NKAIN3: variants seen among roughly 807,000 people sequenced by gnomAD.
NKAIN3 encodes the protein sodium/potassium-transporting ATPase subunit beta-1-interacting protein 3.
In NKAIN3, 25 loss-of-function variants were observed where a neutral mutation model predicts 30.2. That is an observed-to-expected ratio of 0.83 (90% CI 0.60 to 1.16). The LOEUF (loss-of-function observed/expected upper bound fraction) is 1.16, where lower values mean the gene tolerates loss of function less well. NKAIN3 is among the 50% of genes most tolerant of loss of function. The pLI is 0.00. For missense variants in NKAIN3, 225 were observed against 254.1 expected, an observed-to-expected ratio of 0.89 and a Z score of 0.78; for synonymous variants, 91 against 89.6, an observed-to-expected ratio of 1.02 and a Z score of -0.09.
At chr8:62,585,083 G>A (rs1434521492) in intron 2 of NKAIN3, among the ~76,000 whole-genome samples, 1 of 152,212 alleles carries the variant, frequency 6.6e-6, no homozygotes, top group South Asian at 2.1e-4. Flanking sequence ...CTCAGAACAT[G>A]ACAGCAATGT....
At chr8:62,523,582 A>G (rs1808217962) in intron 1 of NKAIN3, among the ~76,000 whole-genome samples, 1 of 152,172 alleles carries the variant, frequency 6.6e-6, no homozygotes, top group Admixed American at 6.6e-5. Flanking sequence ...GTTGTATACC[A>G]GAAATCAACA....
At chr8:62,654,488 G>C (rs1294803589) in intron 3 of NKAIN3, among the ~76,000 whole-genome samples, 1 of 151,946 alleles carries the variant, frequency 6.6e-6, no homozygotes, top group Non-Finnish European at 1.5e-5. Flanking sequence ...AGAGCAGTTG[G>C]GACAAGAAGA....
chr8:62,955,127 C>A (rs1282693861), intron 6 of NKAIN3, among the ~76,000 whole-genome samples: 22 of 152,204 alleles, frequency 1.4e-4, no homozygotes, highest in Non-Finnish European at 1.5e-5. Flanking sequence ...ACTGATTCCT[C>A]TACCTCCCCA....
intron 3 of NKAIN3, among the ~76,000 whole-genome samples, chr8:62,688,600 C>G (rs1273605636): frequency 6.6e-6 from 1 of 152,042 alleles, no homozygotes; most frequent in African/African-American, 2.4e-5. Context: ...GATAGTGTAT[C>G]CAGTATAAAC....
At chr8:62,816,340 T>C (rs1818678591) in intron 4 of NKAIN3, among the ~76,000 whole-genome samples, 1 of 152,094 alleles carries the variant, frequency 6.6e-6, no homozygotes, top group Admixed American at 6.6e-5. Context: ...TAGGCTGTGA[T>C]TGTTTGTGAA....
At chr8:62,996,434 A>G (rs1804116128) in intron 5 of NKAIN3, among the ~76,000 whole-genome samples, 1 of 152,096 alleles carries the variant, frequency 6.6e-6, no homozygotes, top group South Asian at 2.1e-4. Flanking sequence ...CAATTCAAGA[A>G]GAGATTTAGG....
chr8:62,844,805 T>C (rs1819626300), intron 4 of NKAIN3, among the ~76,000 whole-genome samples: 1 of 152,104 alleles, frequency 6.6e-6, no homozygotes, highest in Non-Finnish European at 1.5e-5. Context: ...TGTCCCCATT[T>C]GGGCTCCCAT....
At chr8:62,375,800 T>C (rs1394831275) in intron 1 of NKAIN3, among the ~76,000 whole-genome samples, 17 of 152,218 alleles carry the variant, frequency 1.1e-4, no homozygotes, top group Admixed American at 1.1e-3. Flanking sequence ...AATATATATG[T>C]TTAACAATAA....
intron 1 of NKAIN3, among the ~76,000 whole-genome samples, chr8:62,484,276 T>G (rs1806831132): frequency 6.6e-6 from 1 of 152,188 alleles, no homozygotes; most frequent in Non-Finnish European, 1.5e-5. Context: ...TATTTCCCTC[T>G]TTCCAGGATG....
chr8:62,278,561 A>AT (rs1024930869), intron 1 of NKAIN3, among the ~76,000 whole-genome samples: 2 of 140,228 alleles, frequency 1.4e-5, no homozygotes, highest in African/African-American at 5.2e-5. Flanking sequence ...CCGGTGTGTG[A>AT]TGTTCCCCTT....
chr8:62,257,504 C>T (rs1382468088), intron 1 of NKAIN3, among the ~76,000 whole-genome samples: 2 of 152,170 alleles, frequency 1.3e-5, no homozygotes, highest in African/African-American at 4.8e-5. Context: ...TCATTTTCTA[C>T]AATGCCTGAT....
At chr8:62,803,097 C>A (rs1226054384) in intron 4 of NKAIN3, among the ~76,000 whole-genome samples, 1 of 152,116 alleles carries the variant, frequency 6.6e-6, no homozygotes, top group African/African-American at 2.4e-5. Flanking sequence ...AATATGAGAG[C>A]ACCCAGATTC....
At chr8:62,359,052 C>T (rs907622484) in intron 1 of NKAIN3, among the ~76,000 whole-genome samples, 3 of 151,994 alleles carry the variant, frequency 2.0e-5, no homozygotes, top group South Asian at 2.1e-4. Flanking sequence ...GGCGTGGTGG[C>T]GGGCGCCTGT....
chr8:62,854,322 G>T (rs960296546), intron 4 of NKAIN3, among the ~76,000 whole-genome samples: 1 of 152,176 alleles, frequency 6.6e-6, no homozygotes, highest in Non-Finnish European at 1.5e-5. Context: ...CACTATTATT[G>T]TGTGGGAGTC....
intron 5 of NKAIN3, among the ~76,000 whole-genome samples, chr8:62,927,994 C>T (rs1200514240): frequency 6.6e-6 from 1 of 152,020 alleles, no homozygotes; most frequent in Non-Finnish European, 1.5e-5. Flanking sequence ...AAGTATCATA[C>T]AAGTAACCAG....
At chr8:62,807,457 G>A (rs1249441957) in intron 4 of NKAIN3, among the ~76,000 whole-genome samples, 1 of 151,050 alleles carries the variant, frequency 6.6e-6, no homozygotes, top group Non-Finnish European at 1.5e-5. Flanking sequence ...CCTACTTTTT[G>A]TGGGACTGAT....
At chr8:62,471,585 C>T (rs1259268353) in intron 1 of NKAIN3, among the ~76,000 whole-genome samples, 2 of 152,080 alleles carry the variant, frequency 1.3e-5, no homozygotes, top group Admixed American at 6.6e-5. Context: ...GTTAGAAAAC[C>T]AGCTGTGAAA....
At chr8:62,751,814 CTGTGTGTGTG>C (rs3032932) in intron 4 of NKAIN3, among the ~76,000 whole-genome samples, 4 of 146,584 alleles carry the variant, frequency 2.7e-5, no homozygotes, top group Non-Finnish European at 3.0e-5. Flanking sequence ...TACTAAAAAA[CTGTGTGTGTG>C]TGTGTGTGTG....
chr8:62,444,079 C>A (rs1408007042), intron 1 of NKAIN3, among the ~76,000 whole-genome samples: 1 of 152,092 alleles, frequency 6.6e-6, no homozygotes, highest in Non-Finnish European at 1.5e-5. Flanking sequence ...TGACGTGCTG[C>A]CTTCTAATAA....
Sources: gnomAD v4.1 joint callset for allele counts (sites outside exome capture counted in the v4.1 genomes callset) on GRCh38, gnomAD v4.1.1 for gene constraint, MANE v1.5 for transcripts, NCBI Gene and HGNC (gene_info 2026-07-23, HGNC 2026-07-21) for gene names.